BICC1: variants seen among roughly 807,000 people sequenced by gnomAD.
The protein encoded by BICC1 is BicC family RNA binding protein 1.
A neutral mutation model predicts 111.0 loss-of-function variants in BICC1; 43 were observed. The ratio of observed to expected loss-of-function variants is 0.39; its 90% CI spans 0.30 to 0.50. The LOEUF (loss-of-function observed/expected upper bound fraction) is 0.50. BICC1 is among the 20% of genes least tolerant of loss of function. The pLI, the probability that BICC1 is intolerant of heterozygous loss-of-function variation, is 0.88. For missense variants in BICC1, 1,091 were observed against 1,203.2 expected (o/e 0.91, Z 1.38); for synonymous variants, 467 against 434.4 (o/e 1.07, Z -0.93).
intron 1 of BICC1, among the ~76,000 whole-genome samples, chr10:58,585,949 C>T (rs758279624): frequency 7.9e-5 from 12 of 152,096 alleles, no homozygotes; most frequent in African/African-American, 2.9e-4. Context: ...ATAAAATACA[C>T]AGTATGTTAG....
At chr10:58,715,281 C>G (rs1399918348) in intron 3 of BICC1, among the ~76,000 whole-genome samples, 1 of 152,080 alleles carries the variant, frequency 6.6e-6, no homozygotes, top group Non-Finnish European at 1.5e-5. Context: ...AGAAATTACT[C>G]TTAAGCAAAA....
chr10:58,717,379 C>T (rs1840780383), intron 3 of BICC1, among the ~76,000 whole-genome samples: 2 of 151,094 alleles, frequency 1.3e-5, no homozygotes, highest in South Asian at 2.1e-4. Context: ...AAAACAGCTT[C>T]ATATTGAAGC....
intron 3 of BICC1, among the ~76,000 whole-genome samples, chr10:58,773,233 A>T (rs533743237): frequency 1.3e-5 from 2 of 152,290 alleles, no homozygotes; most frequent in Middle Eastern, 3.4e-3. Context: ...TAACGTATGG[A>T]GTTGACCCCC....
chr10:58,572,817 T>C (rs1844000914), intron 1 of BICC1, among the ~76,000 whole-genome samples: 1 of 152,182 alleles, frequency 6.6e-6, no homozygotes, highest in Non-Finnish European at 1.5e-5. Flanking sequence ...TAAACAATAC[T>C]ACGCCTTTGA....
chr10:58,797,963 C>T (rs142981566), intron 10 of BICC1, among the ~76,000 whole-genome samples: 53 of 152,252 alleles, frequency 3.5e-4, no homozygotes, highest in South Asian at 4.1e-4. Context: ...ATAGATCTAT[C>T]CTACCACAGG....
chr10:58,534,843 A>T (rs1041469038), intron 1 of BICC1, among the ~76,000 whole-genome samples: 16 of 151,720 alleles, frequency 1.1e-4, no homozygotes, highest in African/African-American at 3.6e-4. Flanking sequence ...AATTAAAAAA[A>T]AATTAGGATA....
chr10:58,783,852 A>G (rs1382926910), intron 3 of BICC1, among the ~76,000 whole-genome samples: 2 of 152,186 alleles, frequency 1.3e-5, no homozygotes, highest in African/African-American at 4.8e-5. Flanking sequence ...GACTTATCCT[A>G]GAATGATCTT....
At chr10:58,727,888 A>G (rs561601501) in intron 3 of BICC1, among the ~76,000 whole-genome samples, 10 of 152,322 alleles carry the variant, frequency 6.6e-5, no homozygotes, top group African/African-American at 2.4e-4. Flanking sequence ...TATAAAAGAT[A>G]TGTTTACATT....
In BICC1 at chr10:58,708,002, A is replaced by ATTTTTTTTT. The variant is rs71467049; in HGVS notation, c.307+5864_307+5872dup. Among the ~76,000 whole-genome samples, 5 of 108,364 alleles carry ATTTTTTTTT rather than the reference A, an allele frequency of 4.6e-5. 1 individual carries two copies. The highest frequency in any genetic ancestry group is 1.4e-4 in the African/African-American group (4 of 28,142). 71.1% of individuals were successfully genotyped at this position (108,364 alleles called of 152,430 possible). On this transcript the variant is annotated intron_variant, in intron 3 of 20. Coordinates refer to ENST00000373886, the MANE Select transcript of BICC1 (RefSeq NM_001080512.3). ...GTGAGCCACCGCGCCTAGCCAGCTA[A>ATTTTTTTTT]TTTTTTTTTTTTTGTATTTTTAGTA...
intron 1 of BICC1, among the ~76,000 whole-genome samples, chr10:58,601,173 T>TATATATATATATATATAA (rs752405472): frequency 1.1e-4 from 14 of 131,086 alleles, no homozygotes; most frequent in African/African-American, 3.6e-4. Flanking sequence ...TATATATATC[T>TATATATATATATATATAA]CCCAATAAAA....
rs200197683 is a variant in BICC1, at chr10:58,742,164, T to G, written c.307+40021T>G. Among the ~76,000 whole-genome samples the G allele has an allele frequency of 8.6e-5, 10 of 116,580 alleles. 1 individual carries two copies. In the South Asian group the frequency reaches 2.9e-3, roughly 34 times the overall value. 76.5% of individuals were successfully genotyped at this position (116,580 alleles called of 152,430 possible). A position where few individuals can be genotyped will look rare whatever the true frequency, so the allele number is the denominator to read the frequency against. ...CAAAGTAGGCAGTTTGAAAACTTGT[T>G]TTTTTCCTAAGTGCAAGTATTACTT... is the stretch of plus-strand genomic sequence containing the variant. On this transcript the variant is annotated intron_variant, in intron 3 of 20. Coordinates refer to ENST00000373886, the MANE Select transcript of BICC1 (RefSeq NM_001080512.3).
intron 3 of BICC1, among the ~76,000 whole-genome samples, chr10:58,773,602 T>C (rs950294954): frequency 2.0e-5 from 3 of 152,178 alleles, no homozygotes; most frequent in African/African-American, 7.2e-5. Flanking sequence ...CTCAGTGGAA[T>C]TGCAGTCATG....
intron 3 of BICC1, among the ~76,000 whole-genome samples, chr10:58,768,500 T>C (rs1432797919): frequency 1.3e-5 from 2 of 152,126 alleles, no homozygotes; most frequent in Non-Finnish European, 2.9e-5. Context: ...ATTAGTAGCA[T>C]GAAAATATAG....
At chr10:58,711,387 C>A (rs4414171) in intron 3 of BICC1, among the ~76,000 whole-genome samples, 151,951 of 152,342 alleles carry the variant, frequency 1, 75,781 homozygotes, top group Middle Eastern at 1. Context: ...TTTTATAAAA[C>A]GACTACTTTT....
intron 3 of BICC1, among the ~76,000 whole-genome samples, chr10:58,780,018 C>G (rs958925596): frequency 3.9e-5 from 6 of 152,124 alleles, no homozygotes; most frequent in African/African-American, 1.4e-4. Context: ...TGCAAAGAAT[C>G]TCAGAAGAAG....
chr10:58,690,511 A>T (rs915293421), intron 2 of BICC1, among the ~76,000 whole-genome samples: 1 of 152,184 alleles, frequency 6.6e-6, no homozygotes, highest in African/African-American at 2.4e-5. Flanking sequence ...TGGGGGAGAA[A>T]TGAACTTTTG....
chr10:58,739,182 T>G (rs1841572166), intron 3 of BICC1, among the ~76,000 whole-genome samples: 1 of 152,162 alleles, frequency 6.6e-6, no homozygotes, highest in Non-Finnish European at 1.5e-5. Context: ...AGGGAATGCT[T>G]CCAGTTTTCC....
chr10:58,699,242 C>T (rs537598557), intron 2 of BICC1, among the ~76,000 whole-genome samples: 1 of 152,340 alleles, frequency 6.6e-6, no homozygotes, highest in African/African-American at 2.4e-5. Flanking sequence ...CCCACTTTCC[C>T]TTAAACACAG....
At chr10:58,529,959 G>GC in intron 1 of BICC1, among the ~76,000 whole-genome samples, 1 of 147,596 alleles carries the variant, frequency 6.8e-6, no homozygotes, top group Non-Finnish European at 1.5e-5. Context: ...GCTTGTGAAA[G>GC]TTTTTTTTTT....
Sources: allele counts gnomAD v4.1 joint callset (sites outside exome capture counted in the v4.1 genomes callset), GRCh38; gene constraint gnomAD v4.1.1; transcripts MANE v1.5; gene names NCBI Gene and HGNC (gene_info 2026-07-23, HGNC 2026-07-21).